Variants in TRPM3 observed in about 807,000 individuals in gnomAD.
TRPM3 encodes long transient receptor potential channel 3.
A neutral mutation model predicts 181.2 loss-of-function variants in TRPM3; 77 were observed. That is an observed-to-expected ratio of 0.42 (90% CI 0.35 to 0.51). The LOEUF (loss-of-function observed/expected upper bound fraction) is 0.51. Ranked by LOEUF, TRPM3 falls within the 20% of genes least tolerant of loss-of-function variation. TRPM3 has a pLI of 0.01. For synonymous variants in TRPM3, 745 were observed against 796.4 expected (o/e 0.94, Z 1.09); for missense variants, 1,759 against 2,196.7 (o/e 0.80, Z 3.98).
intron 1 of TRPM3, among the ~76,000 whole-genome samples, chr9:71,060,863 CTACTTA>C (rs1449695019): frequency 3.9e-5 from 6 of 152,024 alleles, no homozygotes; most frequent in Non-Finnish European, 4.4e-5. Flanking sequence ...CCTAGTCAAG[CTACTTA>C]TACTTACCTG....
intron 1 of TRPM3, among the ~76,000 whole-genome samples, chr9:71,136,907 G>A (rs2074800001): frequency 6.6e-6 from 1 of 152,170 alleles, no homozygotes; most frequent in Non-Finnish European, 1.5e-5. Context: ...CAGTTGCTAA[G>A]ATGTTTAAAC....
intron 1 of TRPM3, among the ~76,000 whole-genome samples, chr9:71,433,779 G>T (rs187057734): frequency 6.6e-6 from 1 of 152,136 alleles, no homozygotes; most frequent in Non-Finnish European, 1.5e-5. Context: ...GCTCTAGGTC[G>T]GATGCTTCAC....
intron 1 of TRPM3, among the ~76,000 whole-genome samples, chr9:70,960,440 T>A (rs2097125813): frequency 6.6e-6 from 1 of 152,198 alleles, no homozygotes; most frequent in Non-Finnish European, 1.5e-5. Flanking sequence ...CCTTTTTTCA[T>A]CTTCTTATGA....
intron 6 of TRPM3, among the ~76,000 whole-genome samples, chr9:70,801,846 C>T (rs1588542389): frequency 6.6e-6 from 1 of 152,178 alleles, no homozygotes; most frequent in Non-Finnish European, 1.5e-5. Flanking sequence ...AAGGACTGCT[C>T]TTAAAACCCC....
chr9:71,081,982 C>G (rs765355765), intron 1 of TRPM3, among the ~76,000 whole-genome samples: 6 of 152,126 alleles, frequency 3.9e-5, no homozygotes, highest in Non-Finnish European at 8.8e-5. Flanking sequence ...ACTAGCAGAA[C>G]TGTATGTCCT....
chr9:71,332,720 G>C (rs1458154525), intron 1 of TRPM3, among the ~76,000 whole-genome samples: 1 of 151,520 alleles, frequency 6.6e-6, no homozygotes, highest in Non-Finnish European at 1.5e-5. Context: ...AATTTTATAG[G>C]ATTTCTTAAA....
At chr9:71,004,088 T>C (rs1329763252) in intron 1 of TRPM3, among the ~76,000 whole-genome samples, 7 of 152,196 alleles carry the variant, frequency 4.6e-5, no homozygotes, top group African/African-American at 1.2e-4. Context: ...CTGGGTTGAA[T>C]TGGGGACAAA....
chr9:71,133,601 T>G (rs1160747391), intron 1 of TRPM3, among the ~76,000 whole-genome samples: 3 of 152,160 alleles, frequency 2.0e-5, no homozygotes, highest in Non-Finnish European at 4.4e-5. Flanking sequence ...CCCGGCTGCT[T>G]CTTCTTTTAT....
At chr9:70,555,934 C>T (rs1013174221) in intron 22 of TRPM3, among the ~76,000 whole-genome samples, 2 of 152,202 alleles carry the variant, frequency 1.3e-5, no homozygotes, top group African/African-American at 4.8e-5. Context: ...CCCTGATCTC[C>T]ATTTCTTGAC....
At chr9:70,541,959 C>G (rs115078303) in intron 25 of TRPM3, among the ~76,000 whole-genome samples, 3 of 151,998 alleles carry the variant, frequency 2.0e-5, no homozygotes, top group Non-Finnish European at 4.4e-5. Flanking sequence ...ATGGTTTCTA[C>G]GAAAATAAAA....
In TRPM3 at chr9:70,598,590, G is replaced by A. The variant is rs745742508; in HGVS notation, c.2877C>T (p.Ile959=). Residue 959 remains isoleucine (I), a synonymous_variant, in exon 21 of 26, where the codon ATC becomes ATT. Transcript: ENST00000677713. The stretch of plus-strand genomic sequence containing the variant: ...TTCCGACAGAAAACAGAAGGATGGC[G>A]ATGAGGTCCGTGACATTCCAGTACT... ...LQEYWNVTDL[I]AILLFSVGMI... is the part of the protein sequence containing the mutation. 45 of 1,614,054 alleles carry A rather than the reference G, an allele frequency of 2.8e-5. No homozygotes were observed. The highest frequency in any genetic ancestry group is 2.0e-4 in the East Asian group (9 of 44,900).
chr9:70,737,791 C>T (rs546600352), intron 8 of TRPM3, among the ~76,000 whole-genome samples: 5 of 152,118 alleles, frequency 3.3e-5, no homozygotes, highest in Admixed American at 1.3e-4. Context: ...CATTAAATAA[C>T]GTTAAAAGGA....
intron 10 of TRPM3, among the ~76,000 whole-genome samples, 182 bp from the exon 11 acceptor site, chr9:70,639,376 T>C (rs540100825): frequency 6.6e-6 from 1 of 152,286 alleles, no homozygotes; most frequent in South Asian, 2.1e-4. Context: ...ACCTCTCCCA[T>C]GTTTGGGTGC....
chr9:70,573,651 C>G (rs940853711), intron 22 of TRPM3, among the ~76,000 whole-genome samples: 3 of 152,046 alleles, frequency 2.0e-5, no homozygotes, highest in Non-Finnish European at 4.4e-5. Flanking sequence ...CCTTGAATTT[C>G]CAAGGTAAAG....
At chr9:71,258,212 A>T (rs2082796054) in intron 1 of TRPM3, among the ~76,000 whole-genome samples, 1 of 152,184 alleles carries the variant, frequency 6.6e-6, no homozygotes, top group African/African-American at 2.4e-5. Context: ...TCTTACCAAT[A>T]ACATTATACA....
chr9:71,216,964 T>G (rs1290543652), intron 1 of TRPM3, among the ~76,000 whole-genome samples: 6 of 93,238 alleles, frequency 6.4e-5, no homozygotes, highest in Admixed American at 3.7e-4. Flanking sequence ...TTTTTTTTTT[T>G]TTTTGAGACG....
chr9:71,147,508 T>C (rs2075486732), intron 1 of TRPM3, among the ~76,000 whole-genome samples: 1 of 150,766 alleles, frequency 6.6e-6, no homozygotes, highest in Non-Finnish European at 1.5e-5. Flanking sequence ...TAATGGAAAC[T>C]AAACTCAACT....
At chr9:71,383,350 G>T (rs1026121422) in intron 1 of TRPM3, among the ~76,000 whole-genome samples, 7 of 152,010 alleles carry the variant, frequency 4.6e-5, no homozygotes, top group Non-Finnish European at 1.0e-4. Context: ...CTTGTTTTGT[G>T]CCCTTGTAAA....
intron 1 of TRPM3, among the ~76,000 whole-genome samples, chr9:70,946,433 G>GTAATAATAATAA (rs55711193): frequency 2.5e-4 from 36 of 144,690 alleles, no homozygotes; most frequent in African/African-American, 6.2e-4. Flanking sequence ...CTGTTAAATG[G>GTAATAATAATAA]TAATAATAAT....
Sources: allele counts gnomAD v4.1 joint callset (sites outside exome capture counted in the v4.1 genomes callset), GRCh38; gene constraint gnomAD v4.1.1; transcripts MANE v1.5; gene names NCBI Gene and HGNC (gene_info 2026-07-23, HGNC 2026-07-21).